The following NCAM2 variants were observed in gnomAD, a reference collection of about 807,000 sequenced individuals.
The protein encoded by NCAM2 is N-CAM-2.
In NCAM2, 30 loss-of-function variants were observed where a neutral mutation model predicts 98.1. The ratio of observed to expected loss-of-function variants is 0.31; its 90% CI spans 0.23 to 0.41. The LOEUF (loss-of-function observed/expected upper bound fraction) is 0.41. Ranked by LOEUF, NCAM2 falls within the 10% of genes least tolerant of loss-of-function variation. NCAM2 has a pLI of 1.00. For missense variants in NCAM2, 867 were observed against 1,005.8 expected, an observed-to-expected ratio of 0.86 and a Z score of 1.87; for synonymous variants, 368 against 342.4, an observed-to-expected ratio of 1.07 and a Z score of -0.83.
chr21:21,450,130 A>C (rs891581909), intron 12 of NCAM2, among the ~76,000 whole-genome samples: 2 of 152,128 alleles, frequency 1.3e-5, no homozygotes, highest in Non-Finnish European at 1.5e-5. Context: ...CAGGGTACAC[A>C]AAGATAAATC....
chr21:21,161,584 T>TGA lies in NCAM2; in HGVS notation c.56-118974_56-118973dup, dbSNP rs138597484. On this transcript the variant is annotated intron_variant, in intron 1 of 17. Coordinates refer to ENST00000400546, the MANE Select transcript of NCAM2 (RefSeq NM_004540.5). ...ATTTGTGTGTGTGTGTGTGTGTATGTGAGAGAGAGAGAGAGAGAGAGCAAG... is the reference window on the plus strand; with the variant it reads ...ATTTGTGTGTGTGTGTGTGTGTATGTGAGAGAGAGAGAGAGAGAGAGAGCAAG... Among the ~76,000 whole-genome samples, 695 of 146,134 alleles carry TGA rather than the reference T, an allele frequency of 4.8e-3. 2 individuals are homozygous for TGA. The highest frequency in any genetic ancestry group is 0.016 in the African/African-American group (621 of 39,996).
intron 9 of NCAM2, among the ~76,000 whole-genome samples, chr21:21,382,585 C>T (rs2076179523): frequency 6.6e-6 from 1 of 151,026 alleles, no homozygotes; most frequent in Non-Finnish European, 1.5e-5. Context: ...GTGTGATCTC[C>T]GCTCACCGCA....
intron 1 of NCAM2, among the ~76,000 whole-genome samples, chr21:21,056,436 TA>T (rs2065210542): frequency 1.3e-5 from 2 of 151,326 alleles, no homozygotes; most frequent in African/African-American, 4.9e-5. Flanking sequence ...TTCTTCCAGA[TA>T]ACACTAATAT....
chr21:21,024,834 C>T (rs2064509448), intron 1 of NCAM2, among the ~76,000 whole-genome samples: 1 of 151,264 alleles, frequency 6.6e-6, no homozygotes, highest in Non-Finnish European at 1.5e-5. Flanking sequence ...CTGCAGTGAG[C>T]TGAGATCACA....
chr21:21,365,561 A>G (rs544630181), intron 8 of NCAM2, among the ~76,000 whole-genome samples: 1 of 152,116 alleles, frequency 6.6e-6, no homozygotes, highest in Non-Finnish European at 1.5e-5. Flanking sequence ...ATAACCCATA[A>G]TAAGAAAAAA....
chr21:21,181,573 A>T (rs1459125147), intron 1 of NCAM2, among the ~76,000 whole-genome samples: 1 of 152,162 alleles, frequency 6.6e-6, no homozygotes, highest in East Asian at 1.9e-4. Flanking sequence ...TGATGGCCAC[A>T]CATCCTTCGT....
rs377519550 is a variant in NCAM2 at position 21,325,716 on chromosome 21, C to CT, written c.737+1222dup. On this transcript the variant is annotated intron_variant, in intron 6 of 17. Transcript: ENST00000400546. ...CAATGAAAAAATACTGTTCTACAATCTTTTTTCCTATGGTTTTGTATTTCC... is the reference window on the plus strand; with the variant it reads ...CAATGAAAAAATACTGTTCTACAATCTTTTTTTCCTATGGTTTTGTATTTCC... Among the ~76,000 whole-genome samples the CT allele has an allele frequency of 5.9e-5, 9 of 152,202 alleles. 1 individual carries two copies. The highest frequency in any genetic ancestry group is 1.9e-4 in the African/African-American group (8 of 41,544).
intron 1 of NCAM2, among the ~76,000 whole-genome samples, chr21:21,054,998 G>T (rs2065184516): frequency 6.6e-6 from 1 of 151,980 alleles, no homozygotes; most frequent in South Asian, 2.1e-4. Context: ...AGGAAAGAAT[G>T]TATCTCACAA....
intron 1 of NCAM2, among the ~76,000 whole-genome samples, chr21:21,071,197 T>G (rs571975775): frequency 6.6e-6 from 1 of 152,250 alleles, no homozygotes; most frequent in Admixed American, 6.5e-5. Context: ...ATGTAAAAAT[T>G]GAAGAACTTA....
intron 1 of NCAM2, among the ~76,000 whole-genome samples, chr21:21,072,686 G>T (rs1314449042): frequency 1.3e-5 from 2 of 152,028 alleles, no homozygotes; most frequent in East Asian, 3.9e-4. Flanking sequence ...ATTGTTGAGT[G>T]CCCATTATTA....
At position 21,450,968 on chromosome 21, in the gene NCAM2, T is replaced by C. The variant is rs537714973; in HGVS notation, c.1655-15638T>C. On this transcript the variant is annotated intron_variant, in intron 12 of 17. Transcript: ENST00000400546. Reference sequence around the variant, plus strand: ...GGAGAAAGAAGTAGGAATATATATATATATAGGTCCAATATATTCCAAGCG... The same window carrying C: ...GGAGAAAGAAGTAGGAATATATATACATATAGGTCCAATATATTCCAAGCG... Among the ~76,000 whole-genome samples the C allele has an allele frequency of 2.6e-5, 4 of 152,122 alleles. No individual in the cohort carries two copies. In the East Asian group the frequency reaches 7.7e-4, roughly 29 times the overall value.
intron 9 of NCAM2, among the ~76,000 whole-genome samples, chr21:21,386,515 G>A (rs1288134956): frequency 1.3e-5 from 2 of 152,114 alleles, no homozygotes; most frequent in Non-Finnish European, 2.9e-5. Flanking sequence ...AAAATGGAAA[G>A]CATATCTCTT....
In NCAM2 at chr21:21,523,028, ATTTG is replaced by A. The variant is rs112056954; in HGVS notation, c.2283-11506_2283-11503del. 6.8e-3 allele frequency among the ~76,000 whole-genome samples: 1,032 copies of A among 151,750 alleles called. 10 individuals are homozygous for A. Among genetic ancestry groups the A allele is most frequent in the African/African-American group, 0.024 (993 of 41,170 alleles). On this transcript the variant is annotated intron_variant, in intron 16 of 17. Coordinates refer to ENST00000400546, the MANE Select transcript of NCAM2 (RefSeq NM_004540.5). ...GACTTGTTTATGTTTTGTTGTTGTT[ATTTG>A]TTGTTGTTTGTTGTTTTGCTATTGA...
chr21:21,072,155 T>C (rs2146368730), intron 1 of NCAM2, among the ~76,000 whole-genome samples: 1 of 152,202 alleles, frequency 6.6e-6, no homozygotes, highest in Non-Finnish European at 1.5e-5. Context: ...CTTGCGATCC[T>C]CCCGTTTCGG....
intron 5 of NCAM2, among the ~76,000 whole-genome samples, chr21:21,320,783 G>T (rs1323804983): frequency 6.6e-6 from 1 of 152,062 alleles, no homozygotes; most frequent in Non-Finnish European, 1.5e-5. Context: ...AATTGTCAAA[G>T]ATGTAAATTG....
chr21:21,014,456 T>A (rs2064269275), intron 1 of NCAM2, among the ~76,000 whole-genome samples: 1 of 151,862 alleles, frequency 6.6e-6, no homozygotes, highest in African/African-American at 2.4e-5. Flanking sequence ...GCCAAATCTA[T>A]TCTGACTGTG....
At chr21:21,073,016 T>C (rs2065605151) in intron 1 of NCAM2, among the ~76,000 whole-genome samples, 1 of 152,150 alleles carries the variant, frequency 6.6e-6, no homozygotes. Context: ...CCAGTGTACT[T>C]TATGTCTCTC....
At chr21:21,475,039 C>A (rs1984985304) in intron 14 of NCAM2, among the ~76,000 whole-genome samples, 1 of 101,740 alleles carries the variant, frequency 9.8e-6, no homozygotes, top group Non-Finnish European at 2.2e-5. Context: ...ATATATAATG[C>A]ACATATATAT....
intron 1 of NCAM2, among the ~76,000 whole-genome samples, chr21:21,009,142 G>A (rs1013077524): frequency 6.6e-6 from 1 of 152,012 alleles, no homozygotes; most frequent in Non-Finnish European, 1.5e-5. Context: ...GTAGAAGCCC[G>A]GCAAATATGT....
Sources: allele counts gnomAD v4.1 joint callset (sites outside exome capture counted in the v4.1 genomes callset), GRCh38; gene constraint gnomAD v4.1.1; transcripts MANE v1.5; gene names NCBI Gene and HGNC (gene_info 2026-07-23, HGNC 2026-07-21).